FAM222A: variants seen among roughly 807,000 people sequenced by gnomAD.
FAM222A encodes protein FAM222A.
Under a neutral mutation model 25.8 loss-of-function variants are expected in FAM222A, and 7 were observed. The observed-to-expected ratio is 0.27, with a 90% CI of 0.15 to 0.51. FAM222A has a LOEUF of 0.51. Among genes scored for constraint, FAM222A ranks in the 20% least tolerant of loss-of-function variants. FAM222A has a pLI of 0.97. For missense variants in FAM222A, 573 were observed against 640.5 expected, an observed-to-expected ratio of 0.89 and a Z score of 1.14; for synonymous variants, 294 against 298.8, an observed-to-expected ratio of 0.98 and a Z score of 0.17.
chr12:109,733,695 C>T (rs1386994003), intron 1 of FAM222A, among the ~76,000 whole-genome samples: 6 of 152,168 alleles, frequency 3.9e-5, no homozygotes, highest in Non-Finnish European at 7.4e-5. Flanking sequence ...TGAGCCACCA[C>T]GCCCGGCCCC....
chr12:109,730,161 G>A (rs981310843), intron 1 of FAM222A, among the ~76,000 whole-genome samples: 3 of 152,282 alleles, frequency 2.0e-5, no homozygotes, highest in South Asian at 4.2e-4. Flanking sequence ...TACCCTACAG[G>A]CTGGCTCTCC....
At chr12:109,742,400 C>T (rs1461624888) in intron 1 of FAM222A, among the ~76,000 whole-genome samples, 3 of 152,246 alleles carry the variant, frequency 2.0e-5, no homozygotes, top group African/African-American at 7.2e-5. Context: ...CAAGGACTTT[C>T]ATCCCTGCAA....
intron 2 of FAM222A, among the ~76,000 whole-genome samples, chr12:109,762,495 G>A (rs1888926939): frequency 6.6e-6 from 1 of 152,210 alleles, no homozygotes; most frequent in Admixed American, 6.5e-5. Flanking sequence ...GAGTCACGAA[G>A]CCGCAGGCCC....
At chr12:109,719,900 T>A (rs564317378) in intron 1 of FAM222A, among the ~76,000 whole-genome samples, 2 of 152,190 alleles carry the variant, frequency 1.3e-5, no homozygotes, top group South Asian at 4.1e-4. Context: ...ACAGAGAGCT[T>A]GGGAGTCGCA....
At chr12:109,734,135 C>T (rs1177403306) in intron 1 of FAM222A, 1 of 148,274 alleles carries the variant, frequency 6.7e-6, no homozygotes, top group Non-Finnish European at 1.5e-5. Context: ...CACTTGAGCC[C>T]AGGAGGGAGC....
chr12:109,743,675 C>A (rs1228075775), intron 1 of FAM222A, among the ~76,000 whole-genome samples: 1 of 152,188 alleles, frequency 6.6e-6, no homozygotes, highest in Non-Finnish European at 1.5e-5. Flanking sequence ...CCCGAGCACC[C>A]CTCTGTGTAG....
chr12:109,762,449 G>A (rs550821722), intron 2 of FAM222A, among the ~76,000 whole-genome samples: 3 of 152,294 alleles, frequency 2.0e-5, no homozygotes, highest in East Asian at 1.9e-4. Context: ...GTCACACGGC[G>A]CCACTTCCAT....
chr12:109,742,875 T>C (rs1245516528), intron 1 of FAM222A, among the ~76,000 whole-genome samples: 1 of 152,120 alleles, frequency 6.6e-6, no homozygotes, highest in Non-Finnish European at 1.5e-5. Context: ...AAGAAAGTAG[T>C]GAAAAAAGGC....
intron 1 of FAM222A, chr12:109,720,282 C>A: frequency 1.4e-6 from 1 of 698,944 alleles, no homozygotes; most frequent in Non-Finnish European, 1.8e-6. Flanking sequence ...AACAGGCTCC[C>A]GGGGATGGGG....
chr12:109,717,931 G>A (rs1887674545), intron 1 of FAM222A, among the ~76,000 whole-genome samples: 1 of 152,214 alleles, frequency 6.6e-6, no homozygotes, highest in African/African-American at 2.4e-5. Context: ...GTGATGGGCA[G>A]TGGCTCCTGA....
chr12:109,727,589 G>A (rs995298043), intron 1 of FAM222A, among the ~76,000 whole-genome samples: 1 of 152,198 alleles, frequency 6.6e-6, no homozygotes, highest in African/African-American at 2.4e-5. Flanking sequence ...GGCAAGGGGC[G>A]GTAGTCTCAT....
At chr12:109,750,527 C>T (rs1888532532) in intron 2 of FAM222A, among the ~76,000 whole-genome samples, 1 of 152,112 alleles carries the variant, frequency 6.6e-6, no homozygotes, top group South Asian at 2.1e-4. Context: ...CTTCCTTTCT[C>T]ATTTGTTATT....
At chr12:109,731,155 G>A (rs1284571659) in intron 1 of FAM222A, among the ~76,000 whole-genome samples, 5 of 152,198 alleles carry the variant, frequency 3.3e-5, no homozygotes, top group African/African-American at 4.8e-5. Context: ...GTGCTGTTTC[G>A]TCCTTCCTAG....
Position 109,768,839 on chromosome 12 carries a change from A to G in FAM222A, c.910A>G (p.Ser304Gly), listed in dbSNP as rs1180944179. ...GCCGCCCCAGCCACTGCGTGCCTACAGTGGGAGCACGGTGGCCAGCAAGTC... is the reference window on the plus strand; with the variant it reads ...GCCGCCCCAGCCACTGCGTGCCTACGGTGGGAGCACGGTGGCCAGCAAGTC... The part of the protein sequence containing the change: ...PPPPQPLRAY[S>G]GSTVASKSPE... Residue 304 changes from serine to glycine, a missense_variant, in exon 3 of 3, where the codon AGT becomes GGT. Ser to Gly is a moderately conservative substitution (Grantham distance 56). Coordinates refer to ENST00000538780, the MANE Select transcript of FAM222A (RefSeq NM_032829.3). 1 of 1,580,962 alleles carries G rather than the reference A, an allele frequency of 6.3e-7. No individual in the cohort carries two copies. Among genetic ancestry groups the G allele is most frequent in the Non-Finnish European group, 8.5e-7 (1 of 1,170,384 alleles).
chr12:109,744,127 T>C lies in FAM222A; in HGVS notation c.-20T>C. ...GACCCAGTCGCAGAGCGCACCCCACTGGGGACCCCCAGCTCAGCCATGCTG... is the reference window on the plus strand; with the variant it reads ...GACCCAGTCGCAGAGCGCACCCCACCGGGGACCCCCAGCTCAGCCATGCTG... On this transcript the variant is annotated 5_prime_UTR_variant, in exon 2 of 3. Coordinates refer to ENST00000538780, the MANE Select transcript of FAM222A (RefSeq NM_032829.3). 1 of 1,611,412 alleles carries C rather than the reference T, an allele frequency of 6.2e-7. No homozygotes were observed. Among genetic ancestry groups the C allele is most frequent in the Middle Eastern group, 1.7e-4 (1 of 5,946 alleles).
At position 109,714,210 on chromosome 12, in the gene FAM222A, C is replaced by T; in HGVS notation, c.-734C>T. ...AGCTTGCGTCGCCCGCTGCCGCCGCCGCCGCCGCTGCCGCCGCCGCTGTTC... is the reference window on the plus strand; with the variant it reads ...AGCTTGCGTCGCCCGCTGCCGCCGCTGCCGCCGCTGCCGCCGCCGCTGTTC... On this transcript the variant is annotated 5_prime_UTR_variant, in exon 1 of 3. Transcript: ENST00000538780. This position sits in a 1 kb window ranked among gnomAD's most constrained non-coding sequence, Gnocchi z 4.2. The T allele has an allele frequency of 5.5e-6, 1 of 183,334 alleles. No individual in the cohort carries two copies. The allele number at this position is 183,334 out of a possible 1,614,324, so 11.4% of individuals were successfully genotyped here. A position where few individuals can be genotyped will look rare whatever the true frequency, so the allele number is the denominator to read the frequency against.
chr12:109,765,441 C>T (rs1565848463), intron 2 of FAM222A, among the ~76,000 whole-genome samples: 1 of 152,234 alleles, frequency 6.6e-6, no homozygotes, highest in African/African-American at 2.4e-5. Flanking sequence ...GCAAGCCTGC[C>T]CCGGTGCCTC....
intron 1 of FAM222A, among the ~76,000 whole-genome samples, chr12:109,733,897 G>C (rs921386061): frequency 6.6e-6 from 1 of 152,094 alleles, no homozygotes; most frequent in African/African-American, 2.4e-5. Flanking sequence ...GATTCACAGA[G>C]GTCCTTCAAG....
At chr12:109,730,791 G>A (rs1887933320) in intron 1 of FAM222A, among the ~76,000 whole-genome samples, 1 of 152,128 alleles carries the variant, frequency 6.6e-6, no homozygotes, top group Non-Finnish European at 1.5e-5. Context: ...CTTGTCCCTG[G>A]CATTAAAGGA....
Sources: allele counts gnomAD v4.1 joint callset (sites outside exome capture counted in the v4.1 genomes callset), GRCh38; gene constraint gnomAD v4.1.1; non-coding constraint Gnocchi (gnomAD v3.1); transcripts MANE v1.5; gene names NCBI Gene and HGNC (gene_info 2026-07-23, HGNC 2026-07-21).